NF1: variants seen among roughly 807,000 people sequenced by gnomAD.
The protein encoded by NF1 is neurofibromin.
Under a neutral mutation model 325.7 loss-of-function variants are expected in NF1, and 122 were observed. The observed-to-expected ratio is 0.37, with a 90% CI of 0.32 to 0.44. NF1 has a LOEUF of 0.44. Ranked by LOEUF, NF1 falls within the 20% of genes least tolerant of loss-of-function variation. NF1 has a pLI of 1.00. For missense variants in NF1, 2,140 were observed against 3,415.4 expected, an observed-to-expected ratio of 0.63 and a Z score of 9.31; for synonymous variants, 1,091 against 1,186.0, an observed-to-expected ratio of 0.92 and a Z score of 1.65.
chr17:31,169,956 A>T lies in NF1; in HGVS notation c.545A>T (p.Tyr182Phe). 2 of 1,609,938 alleles carry T rather than the reference A, an allele frequency of 1.2e-6. No homozygotes were observed. The highest frequency in any genetic ancestry group is 1.7e-6 in the Non-Finnish European group (2 of 1,176,722). ...VDVHDIELLQ[Y>F]INVDCAKLKR... ...GTTCATGATATAGAATTGTTACAGT[A>T]TATCAATGTGGATTGTGCAAAATTA... Residue 182 changes from tyrosine to phenylalanine, a missense_variant, in exon 5 of 58, where the codon TAT becomes TTT. Around this residue, in one of 10 missense-constraint regions of NF1, gnomAD observed 246 missense variants for 347.8 expected, o/e 0.71. Coordinates refer to ENST00000358273, the MANE Select transcript of NF1 (RefSeq NM_001042492.3).
At position 31,357,249 on chromosome 17, in the gene NF1, A is replaced by G. The variant is rs574898272; in HGVS notation, c.7870-20A>G. ...CACAAAGTAAAAATGTTGTGTGTTTACTTTTTTGCATCTTGGCAGGCTACA... is the reference window on the plus strand; with the variant it reads ...CACAAAGTAAAAATGTTGTGTGTTTGCTTTTTTGCATCTTGGCAGGCTACA... On this transcript the variant is annotated intron_variant, in intron 53 of 57. Coordinates refer to ENST00000358273, the MANE Select transcript of NF1 (RefSeq NM_001042492.3). 4.4e-5 allele frequency: 71 copies of G among 1,609,454 alleles called. No homozygotes were observed. In the South Asian group the frequency reaches 7.4e-4, roughly 17 times the overall value.
intron 13 of NF1, among the ~76,000 whole-genome samples, chr17:31,218,738 A>G (rs1245255081): frequency 6.6e-6 from 1 of 151,242 alleles, no homozygotes; most frequent in Non-Finnish European, 1.5e-5. Context: ...CGCCTGGCTA[A>G]TTTTTATATT....
intron 8 of NF1, among the ~76,000 whole-genome samples, chr17:31,190,669 A>T (rs2066326976): frequency 6.6e-6 from 1 of 152,180 alleles, no homozygotes; most frequent in African/African-American, 2.4e-5. Context: ...ATCCTTGTTA[A>T]CTGATGCTCT....
chr17:31,310,083 C>G (rs1181915802), intron 36 of NF1, among the ~76,000 whole-genome samples: 3 of 151,962 alleles, frequency 2.0e-5, no homozygotes, highest in African/African-American at 7.3e-5. Context: ...GTAATGAGGC[C>G]AGCGTTACTA....
intron 1 of NF1, among the ~76,000 whole-genome samples, chr17:31,125,397 C>T (rs754892368): frequency 1.6e-4 from 24 of 151,902 alleles, no homozygotes; most frequent in Admixed American, 3.3e-4. Flanking sequence ...ATGCTGCTTA[C>T]GAACATTGTT....
At chr17:31,113,939 T>G (rs1913661300) in intron 1 of NF1, among the ~76,000 whole-genome samples, 1 of 152,234 alleles carries the variant, frequency 6.6e-6, no homozygotes, top group South Asian at 2.1e-4. Flanking sequence ...CATAATTGTA[T>G]TGATTTCTGG....
At chr17:31,206,531 C>G (rs897993249) in intron 12 of NF1, among the ~76,000 whole-genome samples, 160 bp downstream of exon 12, 30 of 151,850 alleles carry the variant, frequency 2.0e-4, no homozygotes, top group African/African-American at 6.8e-4. Flanking sequence ...TTGTTGAATA[C>G]TAGATTATGT....
In NF1 at chr17:31,336,497, T is replaced by C. The variant is rs1281543756; in HGVS notation, c.6147+24T>C. 2 of 1,614,028 alleles carry C rather than the reference T, an allele frequency of 1.2e-6. No individual in the cohort carries two copies. Among genetic ancestry groups the C allele is most frequent in the Admixed American group, 3.3e-5 (2 of 60,028 alleles). On this transcript the variant is annotated intron_variant, in intron 41 of 57. Transcript: ENST00000358273. The surrounding 1 kb of genome is among the most constrained non-coding windows in gnomAD (Gnocchi z 5.5). ...AGGTAATCACTTTTCTTTTGCCTTC[T>C]GTACTATAGCATATCTGTTTTATCA...
At chr17:31,318,542 CCA>C (rs1359438857) in intron 36 of NF1, 1 of 1,614,088 alleles carries the variant, frequency 6.2e-7, no homozygotes, top group Non-Finnish European at 8.5e-7. Flanking sequence ...TTTGCCAAAA[CCA>C]CAGTTGATAG....
chr17:31,108,642 C>T (rs890500518), intron 1 of NF1, among the ~76,000 whole-genome samples: 1 of 152,222 alleles, frequency 6.6e-6, no homozygotes, highest in African/African-American at 2.4e-5. Context: ...TTATTTCATC[C>T]GTATTCCTAC....
chr17:31,123,727 A>G (rs1914629783), intron 1 of NF1, among the ~76,000 whole-genome samples: 1 of 152,226 alleles, frequency 6.6e-6, no homozygotes, highest in Non-Finnish European at 1.5e-5. Flanking sequence ...ACAAAATACC[A>G]TAGATTTGGT....
chr17:31,144,085 A>T (rs909302297), intron 1 of NF1, among the ~76,000 whole-genome samples: 2 of 152,234 alleles, frequency 1.3e-5, no homozygotes, highest in African/African-American at 4.8e-5. Flanking sequence ...GGCCTCCCAA[A>T]GTGCTGGGAT....
chr17:31,155,208 G>GAATA lies in NF1; in HGVS notation c.61-775_61-774insAATA, dbSNP rs1353493648. 2.6e-5 allele frequency among the ~76,000 whole-genome samples: 4 copies of GAATA among 152,072 alleles called. No individual in the cohort carries two copies. The East Asian group carries it at 7.7e-4, about 29-fold the overall frequency. ...AGGTTTCTCTGTTAGCATTAGCAGG[G>GAATA]TTTAATATTAACAGTAAGTATGTCC... On this transcript the variant is annotated intron_variant, in intron 1 of 57. Coordinates refer to ENST00000358273, the MANE Select transcript of NF1 (RefSeq NM_001042492.3).
intron 1 of NF1, chr17:31,137,557 C>T (rs1915869185): frequency 6.6e-6 from 1 of 152,086 alleles, no homozygotes; most frequent in Non-Finnish European, 1.5e-5. Flanking sequence ...TCCTCCCATG[C>T]TAGTGTTTAG....
intron 22 of NF1, 129 bp downstream of exon 22, chr17:31,230,103 T>C: frequency 7.1e-7 from 1 of 1,410,272 alleles, no homozygotes; most frequent in South Asian, 1.2e-5. Context: ...GGTGTGACAG[T>C]AAGGTAGCCA....
chr17:31,194,229 T>C (rs144830621), intron 8 of NF1, among the ~76,000 whole-genome samples: 10 of 152,270 alleles, frequency 6.6e-5, no homozygotes, highest in Middle Eastern at 3.4e-3. Flanking sequence ...AAATTCTGTA[T>C]TTTGAGGCAC....
At chr17:31,190,090 A>AC (rs1007381727) in intron 8 of NF1, among the ~76,000 whole-genome samples, 3 of 30,526 alleles carry the variant, frequency 9.8e-5, no homozygotes, top group Non-Finnish European at 5.2e-4. Flanking sequence ...AATGTATTAC[A>AC]AAAAAAAAAA....
chr17:31,234,826 G>A (rs994592368), intron 27 of NF1, among the ~76,000 whole-genome samples: 1 of 152,078 alleles, frequency 6.6e-6, no homozygotes, highest in Non-Finnish European at 1.5e-5. Flanking sequence ...GAATTAGAGA[G>A]CTATGAGCCA....
chr17:31,239,535 A>T (rs1012231832), intron 29 of NF1, among the ~76,000 whole-genome samples: 10 of 140,264 alleles, frequency 7.1e-5, no homozygotes, highest in Non-Finnish European at 1.2e-4. Context: ...ACAAAGAGCA[A>T]TACCTAAAGC....
Sources: gnomAD v4.1 joint callset for allele counts (sites outside exome capture counted in the v4.1 genomes callset) on GRCh38, gnomAD v4.1.1 for gene constraint, gnomAD v4.1.1 regional missense constraint, Gnocchi (gnomAD v3.1) non-coding constraint, MANE v1.5 for transcripts, NCBI Gene and HGNC (gene_info 2026-07-23, HGNC 2026-07-21) for gene names.